The following BNC2 variants were observed in gnomAD, a reference collection of about 807,000 sequenced individuals.
BNC2 encodes zinc finger protein basonuclin-2.
A neutral mutation model predicts 76.3 loss-of-function variants in BNC2; 20 were observed. The ratio of observed to expected loss-of-function variants is 0.26; its 90% CI spans 0.18 to 0.38. The LOEUF (loss-of-function observed/expected upper bound fraction) is 0.38, where lower values mean the gene tolerates loss of function less well. BNC2 is among the 10% of genes least tolerant of loss of function. The probability of loss-of-function intolerance (pLI) is 1.00; values close to 1 mark genes in which losing one functional copy is unlikely to be tolerated. For missense variants in BNC2, 1,382 were observed against 1,399.8 expected (o/e 0.99, Z 0.20); for synonymous variants, 582 against 514.8 (o/e 1.13, Z -1.77).
chr9:16,456,234 C>T (rs1394111172), intron 5 of BNC2, among the ~76,000 whole-genome samples: 2 of 152,150 alleles, frequency 1.3e-5, no homozygotes, highest in East Asian at 1.9e-4. Context: ...CAGGAGGCAA[C>T]ATTTTTGTCA....
intron 1 of BNC2, among the ~76,000 whole-genome samples, chr9:16,751,958 G>A (rs576082578): frequency 6.6e-6 from 1 of 152,050 alleles, no homozygotes; most frequent in Non-Finnish European, 1.5e-5. Flanking sequence ...GAATCCGGGA[G>A]GCAGAGGTTG....
chr9:16,758,334 A>G (rs1279359763), intron 1 of BNC2, among the ~76,000 whole-genome samples: 1 of 117,414 alleles, frequency 8.5e-6, no homozygotes, highest in Non-Finnish European at 1.9e-5. Context: ...GCGTTTGCAA[A>G]GTCCCTTGTC....
At chr9:16,728,994 C>G in intron 2 of BNC2, among the ~76,000 whole-genome samples, 1 of 152,018 alleles carries the variant, frequency 6.6e-6, no homozygotes. Flanking sequence ...AAAGCCTGTC[C>G]CATTTCAGGC....
At chr9:16,723,428 C>A (rs1824223595) in intron 3 of BNC2, among the ~76,000 whole-genome samples, 1 of 151,746 alleles carries the variant, frequency 6.6e-6, no homozygotes, top group Non-Finnish European at 1.5e-5. Context: ...CAATGTACAA[C>A]TAGGCGTCTG....
chr9:16,669,161 C>T (rs559366984), intron 3 of BNC2, among the ~76,000 whole-genome samples: 47 of 152,256 alleles, frequency 3.1e-4, no homozygotes, highest in African/African-American at 1.1e-3. Context: ...CTATAAGTTG[C>T]ATAATATTGT....
intron 3 of BNC2, among the ~76,000 whole-genome samples, chr9:16,670,201 T>C (rs562051486): frequency 6.6e-5 from 10 of 152,306 alleles, no homozygotes; most frequent in African/African-American, 1.4e-4. Context: ...CCTAGGACCA[T>C]TGGAAAATGC....
At chr9:16,759,476 C>G in intron 1 of BNC2, among the ~76,000 whole-genome samples, 1 of 151,898 alleles carries the variant, frequency 6.6e-6, no homozygotes, top group Admixed American at 6.6e-5. Flanking sequence ...AGTTTATAAA[C>G]TGAAATGAAA....
chr9:16,454,485 A>T (rs931563437), intron 5 of BNC2, among the ~76,000 whole-genome samples: 1 of 152,088 alleles, frequency 6.6e-6, no homozygotes, highest in Non-Finnish European at 1.5e-5. Flanking sequence ...TTTTAGTTGT[A>T]CAGAGATGGG....
At chr9:16,696,264 C>G (rs888104169) in intron 3 of BNC2, among the ~76,000 whole-genome samples, 10 of 152,172 alleles carry the variant, frequency 6.6e-5, no homozygotes, top group African/African-American at 2.4e-4. Context: ...CCTCTACAAT[C>G]TAGCTCTAAC....
Position 16,712,093 on chromosome 9 carries a change from C to T in BNC2, c.330+15704G>A, listed in dbSNP as rs1051767948. Reference sequence around the variant, plus strand: ...GGTGAGAACCAAGACAAAAATGTTACCTGTGTACAAAAAATTATATCAAGA... The same window carrying T: ...GGTGAGAACCAAGACAAAAATGTTATCTGTGTACAAAAAATTATATCAAGA... On this transcript the variant is annotated intron_variant, in intron 3 of 6. Coordinates refer to ENST00000380672, the MANE Select transcript of BNC2 (RefSeq NM_017637.6). Among the ~76,000 whole-genome samples, 2 of 152,258 alleles carry T rather than the reference C, an allele frequency of 1.3e-5. 1 individual carries two copies. Among genetic ancestry groups the T allele is most frequent in the Middle Eastern group, 6.8e-3 (2 of 294 alleles).
At chr9:16,850,618 C>G (rs1288473740) in intron 1 of BNC2, among the ~76,000 whole-genome samples, 2 of 152,060 alleles carry the variant, frequency 1.3e-5, no homozygotes, top group African/African-American at 4.8e-5. Context: ...GCCTGTAATT[C>G]CACCACTGTG....
intron 5 of BNC2, among the ~76,000 whole-genome samples, chr9:16,485,375 G>C (rs1446065903): frequency 6.6e-6 from 1 of 152,054 alleles, no homozygotes; most frequent in East Asian, 1.9e-4. Flanking sequence ...TGTAAAGTTG[G>C]GTCAGGGATG....
In BNC2 at chr9:16,752,355, A is replaced by G. The variant is rs146648715; in HGVS notation, c.4-13870T>C. Among the ~76,000 whole-genome samples the G allele has an allele frequency of 2.6e-3, 392 of 152,314 alleles. 1 individual carries two copies. Among genetic ancestry groups the G allele is most frequent in the African/African-American group, 8.9e-3 (368 of 41,572 alleles). ...TTTAAATACAATTAACTATAACCTG[A>G]AAGTTTAGCTTCAGGGCACATTCAG... On this transcript the variant is annotated intron_variant, in intron 1 of 6. Coordinates refer to ENST00000380672, the MANE Select transcript of BNC2 (RefSeq NM_017637.6).
chr9:16,423,353 G>A (rs1429127361), intron 6 of BNC2, among the ~76,000 whole-genome samples: 2 of 152,136 alleles, frequency 1.3e-5, no homozygotes, highest in African/African-American at 4.8e-5. Flanking sequence ...ATGGAAGGAA[G>A]TTCCTCTTAC....
At chr9:16,757,907 A>C (rs1825433970) in intron 1 of BNC2, among the ~76,000 whole-genome samples, 1 of 152,208 alleles carries the variant, frequency 6.6e-6, no homozygotes, top group Admixed American at 6.5e-5. Flanking sequence ...AGAAATTACA[A>C]ACACAAAGCA....
intron 3 of BNC2, among the ~76,000 whole-genome samples, chr9:16,644,018 C>G (rs1267181261): frequency 6.6e-6 from 1 of 152,088 alleles, no homozygotes; most frequent in African/African-American, 2.4e-5. Context: ...CCAAGAGAAC[C>G]TTAGAAGAGC....
At chr9:16,745,061 T>C (rs1328754698) in intron 1 of BNC2, among the ~76,000 whole-genome samples, 4 of 152,194 alleles carry the variant, frequency 2.6e-5, no homozygotes, top group Non-Finnish European at 5.9e-5. Context: ...CTTTTACTAA[T>C]TGTGTGATCT....
At chr9:16,445,401 A>G (rs1821211978) in intron 5 of BNC2, among the ~76,000 whole-genome samples, 1 of 152,162 alleles carries the variant, frequency 6.6e-6, no homozygotes, top group African/African-American at 2.4e-5. Context: ...TGTTTCTAGG[A>G]GGCCAGCTGG....
intron 3 of BNC2, among the ~76,000 whole-genome samples, chr9:16,612,797 T>A (rs936636571): frequency 6.6e-6 from 1 of 152,180 alleles, no homozygotes; most frequent in East Asian, 1.9e-4. Flanking sequence ...AAAAGCTTAG[T>A]GAAGGAAGTG....
Sources: allele counts gnomAD v4.1 joint callset (sites outside exome capture counted in the v4.1 genomes callset), GRCh38; gene constraint gnomAD v4.1.1; transcripts MANE v1.5; gene names NCBI Gene and HGNC (gene_info 2026-07-23, HGNC 2026-07-21).